Variants in MAPRE3 observed in about 807,000 individuals in gnomAD.
MAPRE3 encodes microtubule associated protein RP/EB family member 3.
Under a neutral mutation model 30.5 loss-of-function variants are expected in MAPRE3, and 2 were observed. The ratio of observed to expected loss-of-function variants is 0.07; its 90% CI spans 0.03 to 0.21. The LOEUF (loss-of-function observed/expected upper bound fraction) is 0.21. MAPRE3 is among the 10% of genes least tolerant of loss of function. MAPRE3 has a pLI of 1.00. For synonymous variants in MAPRE3, 110 were observed against 127.7 expected (o/e 0.86, Z 0.93); for missense variants, 204 against 351.8 (o/e 0.58, Z 3.36).
intron 1 of MAPRE3, among the ~76,000 whole-genome samples, chr2:26,990,571 T>C (rs566215375): frequency 1.3e-5 from 2 of 152,248 alleles, no homozygotes; most frequent in Non-Finnish European, 2.9e-5. Flanking sequence ...ACAATATTTC[T>C]ATTTTGATTC....
intron 1 of MAPRE3, chr2:27,013,024 A>C (rs938740683): frequency 3.3e-5 from 5 of 152,642 alleles, no homozygotes; most frequent in African/African-American, 1.2e-4. Flanking sequence ...AAAGAGACAT[A>C]GTTCCAAAGG....
chr2:27,006,622 C>CG (rs1284217235), intron 1 of MAPRE3, among the ~76,000 whole-genome samples: 2 of 151,968 alleles, frequency 1.3e-5, no homozygotes, highest in African/African-American at 4.8e-5. Flanking sequence ...TTTGTAGAGA[C>CG]GGGGTCATGC....
chr2:27,025,972 G>A lies in MAPRE3; in HGVS notation c.717G>A (p.Glu239=). Reference sequence around the variant, plus strand: ...GTGACATCGAGCTCATCTGCCAGGAGCATGAAAGTGAAAACAGCCCTGTTA... The same window carrying A: ...GTGACATCGAGCTCATCTGCCAGGAACATGAAAGTGAAAACAGCCCTGTTA... The part of the protein sequence containing the change: ...KLRDIELICQ[E]HESENSPVIS... Residue 239 remains glutamate (E), a synonymous_variant, in exon 6 of 7, where the codon GAG becomes GAA. Coordinates refer to ENST00000233121, the MANE Select transcript of MAPRE3 (RefSeq NM_012326.4). 1 of 1,614,218 alleles carries A rather than the reference G, an allele frequency of 6.2e-7. No individual in the cohort carries two copies. The highest frequency in any genetic ancestry group is 1.3e-5 in the African/African-American group (1 of 75,050).
intron 1 of MAPRE3, among the ~76,000 whole-genome samples, chr2:26,974,555 C>T (rs1490239222): frequency 2.0e-5 from 3 of 152,172 alleles, no homozygotes. Context: ...GCGGGCTTAT[C>T]TTCCACCTCT....
At chr2:26,984,900 C>T (rs889246753) in intron 1 of MAPRE3, 16 of 152,196 alleles carry the variant, frequency 1.1e-4, no homozygotes, top group Non-Finnish European at 2.4e-4. Flanking sequence ...GCACTATTTC[C>T]AAGACATGTC....
rs1207501513 is a variant in MAPRE3, at chr2:27,015,176, C to T, written c.-7-7036C>T. Among the ~76,000 whole-genome samples, 2 of 152,212 alleles carry T rather than the reference C, an allele frequency of 1.3e-5. No individual in the cohort carries two copies. The highest frequency in any genetic ancestry group is 1.5e-5 in the Non-Finnish European group (1 of 68,038). On this transcript the variant is annotated intron_variant, in intron 1 of 6. Transcript: ENST00000233121. The surrounding 1 kb of genome is among the most constrained non-coding windows in gnomAD (Gnocchi z 4.0). ...CCAGAGGCTGGCTGTGTGTCAGGCACCTACTCCTCGAACAAATGCCCTTAG... is the reference window on the plus strand; with the variant it reads ...CCAGAGGCTGGCTGTGTGTCAGGCATCTACTCCTCGAACAAATGCCCTTAG...
intron 1 of MAPRE3, among the ~76,000 whole-genome samples, chr2:26,982,424 A>G (rs1338304838): frequency 6.6e-6 from 1 of 152,244 alleles, no homozygotes. Flanking sequence ...CCAGGGCCTT[A>G]CACTGACATT....
At chr2:26,972,139 G>A (rs1665926705) in intron 1 of MAPRE3, among the ~76,000 whole-genome samples, 1 of 152,026 alleles carries the variant, frequency 6.6e-6, no homozygotes, top group African/African-American at 2.4e-5. Context: ...TTTTTATTTG[G>A]CTTCCAAATT....
chr2:26,985,185 C>T lies in MAPRE3; in HGVS notation c.-8+14383C>T, dbSNP rs1373298574. Among the ~76,000 whole-genome samples, 5 of 152,158 alleles carry T rather than the reference C, an allele frequency of 3.3e-5. No individual in the cohort carries two copies. Among genetic ancestry groups the T allele is most frequent in the East Asian group, 1.9e-4 (1 of 5,200 alleles). ...AGTACCGTTTAGGTAGATGGTGCTT[C>T]GGCCCTGAGAGAGATTGTTAAGACA... On this transcript the variant is annotated intron_variant, in intron 1 of 6. Transcript: ENST00000233121. The surrounding 1 kb of genome is among the most constrained non-coding windows in gnomAD (Gnocchi z 4.2).
intron 1 of MAPRE3, among the ~76,000 whole-genome samples, chr2:26,987,346 G>A (rs1472872944): frequency 6.6e-6 from 1 of 152,146 alleles, no homozygotes; most frequent in Non-Finnish European, 1.5e-5. Context: ...TGCCTGTTTT[G>A]AAAAGTCTGG....
At chr2:27,023,222 C>G (rs1376806844) in intron 2 of MAPRE3, 110 bp from the exon 3 acceptor site, 1 of 1,236,590 alleles carries the variant, frequency 8.1e-7, no homozygotes, top group East Asian at 2.4e-5. Flanking sequence ...GGACTGGTCC[C>G]TGGCCCAGAA....
At chr2:26,981,521 C>T (rs1482563847) in intron 1 of MAPRE3, among the ~76,000 whole-genome samples, 1 of 152,160 alleles carries the variant, frequency 6.6e-6, no homozygotes, top group African/African-American at 2.4e-5. Flanking sequence ...GCAGAGGCTT[C>T]TTTTACTTTT....
intron 1 of MAPRE3, among the ~76,000 whole-genome samples, chr2:26,977,929 C>T (rs757463286): frequency 1.4e-4 from 21 of 152,306 alleles, no homozygotes; most frequent in South Asian, 6.2e-4. Flanking sequence ...TCCGGGACTT[C>T]GAGTTGAAGA....
At chr2:27,020,499 G>A (rs146393098) in intron 1 of MAPRE3, among the ~76,000 whole-genome samples, 3 of 152,100 alleles carry the variant, frequency 2.0e-5, no homozygotes, top group East Asian at 1.9e-4. Context: ...TCTTAACAGC[G>A]CAAGTCAGTT....
chr2:27,010,003 C>G (rs754869133), intron 1 of MAPRE3, among the ~76,000 whole-genome samples: 20 of 152,208 alleles, frequency 1.3e-4, no homozygotes, highest in Admixed American at 3.9e-4. Flanking sequence ...TGTGCTGGCA[C>G]AGGGGCTGGC....
rs745820863 is a variant in MAPRE3, at chr2:27,023,611, G to A, written c.267+134G>A. On this transcript the variant is annotated intron_variant, in intron 3 of 6. Transcript: ENST00000233121. ...CCTCCCTCCACCTCCCGACTCTCCAGAGGGAATTTTCCCCCTGCTCAAGGC... is the reference window on the plus strand; with the variant it reads ...CCTCCCTCCACCTCCCGACTCTCCAAAGGGAATTTTCCCCCTGCTCAAGGC... The A allele has an allele frequency of 7.5e-6, 8 of 1,073,670 alleles. No individual in the cohort carries two copies. In the South Asian group the frequency reaches 1.1e-4, roughly 14 times the overall value. 66.5% of individuals were successfully genotyped at this position (1,073,670 alleles called of 1,614,324 possible).
intron 4 of MAPRE3, 125 bp downstream of exon 4, chr2:27,024,422 C>G: frequency 1.2e-6 from 1 of 821,016 alleles, no homozygotes; most frequent in Non-Finnish European, 1.9e-6. Context: ...TCACGGAGTT[C>G]GGATGACGCC....
intron 1 of MAPRE3, among the ~76,000 whole-genome samples, chr2:27,007,285 G>A (rs762943622): frequency 7.2e-5 from 11 of 152,180 alleles, no homozygotes; most frequent in East Asian, 1.9e-4. Flanking sequence ...AGGCCTTTTC[G>A]TGTTTAGAAT....
rs139749395 is a variant in MAPRE3, at chr2:27,021,246, C to G, written c.-7-966C>G. On this transcript the variant is annotated intron_variant, in intron 1 of 6. Coordinates refer to ENST00000233121, the MANE Select transcript of MAPRE3 (RefSeq NM_012326.4). Reference sequence around the variant, plus strand: ...AAATTCCCTCATGAATACCAAGGGACAACGGTATGCATAAATCCTGAGGGT... The same window carrying G: ...AAATTCCCTCATGAATACCAAGGGAGAACGGTATGCATAAATCCTGAGGGT... Among the ~76,000 whole-genome samples, 380 of 152,194 alleles carry G rather than the reference C, an allele frequency of 2.5e-3. 2 individuals are homozygous for G. The highest frequency in any genetic ancestry group is 2.2e-3 in the Non-Finnish European group (151 of 68,028).
Sources: allele counts gnomAD v4.1 joint callset (sites outside exome capture counted in the v4.1 genomes callset), GRCh38; gene constraint gnomAD v4.1.1; non-coding constraint Gnocchi (gnomAD v3.1); transcripts MANE v1.5; gene names NCBI Gene and HGNC (gene_info 2026-07-23, HGNC 2026-07-21).